DIAPH3: variants seen among roughly 807,000 people sequenced by gnomAD.
DIAPH3 encodes the protein protein diaphanous homolog 3.
Under a neutral mutation model 144.3 loss-of-function variants are expected in DIAPH3, and 117 were observed. The ratio of observed to expected loss-of-function variants is 0.81; its 90% CI spans 0.70 to 0.95. The LOEUF (loss-of-function observed/expected upper bound fraction) is 0.95. Ranked by LOEUF, DIAPH3 falls within the 40% of genes least tolerant of loss-of-function variation. DIAPH3 has a pLI of 0.00. For missense variants in DIAPH3, 1,421 were observed against 1,412.7 expected (o/e 1.01, Z -0.09); for synonymous variants, 519 against 488.9 (o/e 1.06, Z -0.81).
At chr13:60,105,304 A>G (rs1594679582) in intron 3 of DIAPH3, among the ~76,000 whole-genome samples, 2 of 152,184 alleles carry the variant, frequency 1.3e-5, no homozygotes, top group Non-Finnish European at 2.9e-5. Context: ...AGGCCTTCAC[A>G]GGTATACACA....
At chr13:59,789,561 T>A (rs988339896) in intron 25 of DIAPH3, among the ~76,000 whole-genome samples, 18 of 152,090 alleles carry the variant, frequency 1.2e-4, no homozygotes, top group African/African-American at 4.3e-4. Context: ...AGCTAGAGAA[T>A]AATATCGGTA....
At chr13:59,765,740 AT>A (rs529739820) in intron 27 of DIAPH3, among the ~76,000 whole-genome samples, 3 of 152,280 alleles carry the variant, frequency 2.0e-5, no homozygotes, top group Admixed American at 2.0e-4. Context: ...TGTGTAAGGT[AT>A]TTTGCAAATT....
intron 9 of DIAPH3, among the ~76,000 whole-genome samples, chr13:59,997,316 GCTTA>G (rs2140869475): frequency 6.6e-6 from 1 of 152,086 alleles, no homozygotes; most frequent in African/African-American, 2.4e-5. Flanking sequence ...GTCTCTCTGT[GCTTA>G]GCTGATTTTT....
chr13:59,829,253 T>C (rs1187783198), intron 24 of DIAPH3, among the ~76,000 whole-genome samples: 1 of 152,020 alleles, frequency 6.6e-6, no homozygotes, highest in African/African-American at 2.4e-5. Context: ...ATCAATTATT[T>C]ACAAACCAAA....
chr13:59,833,492 A>T (rs1229695452), intron 23 of DIAPH3, among the ~76,000 whole-genome samples: 1 of 151,820 alleles, frequency 6.6e-6, no homozygotes, highest in Non-Finnish European at 1.5e-5. Context: ...ATTAGAAAAG[A>T]TTTATATATT....
chr13:59,969,475 G>C lies in DIAPH3; in HGVS notation c.2074+469C>G, dbSNP rs189947986. Among the ~76,000 whole-genome samples, 500 of 152,224 alleles carry C rather than the reference G, an allele frequency of 3.3e-3. 2 individuals carry two copies. The highest frequency in any genetic ancestry group is 0.011 in the African/African-American group (459 of 41,524). On this transcript the variant is annotated intron_variant, in intron 17 of 27. Coordinates refer to ENST00000400324, the MANE Select transcript of DIAPH3 (RefSeq NM_001042517.2). ...AGGTATACACATGCCATGGTGGTTT[G>C]CTGCACCCATCAACCCGTCATCTAC...
chr13:59,778,597 C>T lies in DIAPH3; in HGVS notation c.3164-3774G>A, dbSNP rs537167098. ...ACATTCCCGCCACCATTCTAAACAACACAGCTTTCTTTCTTCCTTTTCCCT... is the reference window on the plus strand; with the variant it reads ...ACATTCCCGCCACCATTCTAAACAATACAGCTTTCTTTCTTCCTTTTCCCT... On this transcript the variant is annotated intron_variant, in intron 25 of 27. Transcript: ENST00000400324. 7.9e-5 allele frequency among the ~76,000 whole-genome samples: 12 copies of T among 152,366 alleles called. 1 individual carries two copies. The East Asian group carries it at 2.3e-3, about 29-fold the overall frequency.
chr13:59,821,155 T>C (rs1421218123), intron 24 of DIAPH3, among the ~76,000 whole-genome samples: 1 of 152,026 alleles, frequency 6.6e-6, no homozygotes, highest in Non-Finnish European at 1.5e-5. Flanking sequence ...AGTATTCAAC[T>C]TTGTCTCAAG....
chr13:59,752,566 T>C (rs2037064577), intron 27 of DIAPH3, among the ~76,000 whole-genome samples: 1 of 152,056 alleles, frequency 6.6e-6, no homozygotes, highest in South Asian at 2.1e-4. Context: ...TGGGGTTTCG[T>C]CATGTTGTGC....
chr13:59,859,975 T>C (rs2043484529), intron 22 of DIAPH3, among the ~76,000 whole-genome samples: 1 of 152,190 alleles, frequency 6.6e-6, no homozygotes, highest in Admixed American at 6.5e-5. Flanking sequence ...AATAATTCAT[T>C]GGAACACTAG....
intron 2 of DIAPH3, among the ~76,000 whole-genome samples, chr13:60,115,288 C>T (rs1344715518): frequency 6.6e-6 from 1 of 152,174 alleles, no homozygotes; most frequent in Non-Finnish European, 1.5e-5. Context: ...TCACTTCAAG[C>T]ATCACTAGTG....
At chr13:59,776,343 C>T (rs1168184064) in intron 25 of DIAPH3, among the ~76,000 whole-genome samples, 1 of 151,962 alleles carries the variant, frequency 6.6e-6, no homozygotes, top group East Asian at 1.9e-4. Context: ...TGTGAATTTA[C>T]AATAAATGTA....
intron 25 of DIAPH3, among the ~76,000 whole-genome samples, chr13:59,780,957 T>A (rs2038704458): frequency 6.6e-6 from 1 of 152,158 alleles, no homozygotes; most frequent in Admixed American, 6.5e-5. Flanking sequence ...AAAATACTCA[T>A]TCAGCACTCT....
At chr13:59,809,359 G>C (rs1317495350) in intron 25 of DIAPH3, among the ~76,000 whole-genome samples, 1 of 152,074 alleles carries the variant, frequency 6.6e-6, no homozygotes. Context: ...AAATTAGCCG[G>C]GCATGGTGGC....
At chr13:59,876,967 CA>C (rs2044670063) in intron 21 of DIAPH3, among the ~76,000 whole-genome samples, 1 of 152,212 alleles carries the variant, frequency 6.6e-6, no homozygotes, top group Admixed American at 6.5e-5. Context: ...CACACCTTGA[CA>C]ACTCCTCAGA....
At position 59,980,452 on chromosome 13, in the gene DIAPH3, C is replaced by T. The variant is rs185144459; in HGVS notation, c.1545+343G>A. Among the ~76,000 whole-genome samples the T allele has an allele frequency of 7.9e-4, 120 of 151,540 alleles. 1 individual carries two copies. Among genetic ancestry groups the T allele is most frequent in the African/African-American group, 2.3e-3 (97 of 41,442 alleles). On this transcript the variant is annotated intron_variant, in intron 14 of 27. Coordinates refer to ENST00000400324, the MANE Select transcript of DIAPH3 (RefSeq NM_001042517.2). ...TTCTTACAAAGGGCCAGGAATTGTT[C>T]CTGGTGCAGGGATAGTGAATAAAAC...
chr13:59,761,683 G>C (rs2037596776), intron 27 of DIAPH3, among the ~76,000 whole-genome samples: 1 of 152,168 alleles, frequency 6.6e-6, no homozygotes, highest in Non-Finnish European at 1.5e-5. Context: ...CTCCTTAGGA[G>C]TGTACACTGA....
intron 27 of DIAPH3, among the ~76,000 whole-genome samples, chr13:59,711,248 A>T (rs2034720027): frequency 6.6e-6 from 1 of 152,192 alleles, no homozygotes; most frequent in African/African-American, 2.4e-5. Flanking sequence ...AACCACATTT[A>T]AAAACTCCTT....
chr13:60,054,506 C>A (rs2056482148), intron 4 of DIAPH3, among the ~76,000 whole-genome samples: 1 of 151,890 alleles, frequency 6.6e-6, no homozygotes, highest in Admixed American at 6.6e-5. Flanking sequence ...AAGTCAATAA[C>A]CATTAATTAA....
Sources: allele counts gnomAD v4.1 joint callset (sites outside exome capture counted in the v4.1 genomes callset), GRCh38; gene constraint gnomAD v4.1.1; transcripts MANE v1.5; gene names NCBI Gene and HGNC (gene_info 2026-07-23, HGNC 2026-07-21).